Variants in ZMAT5 observed in about 807,000 individuals in gnomAD.
The protein encoded by ZMAT5 is zinc finger matrin-type 5.
In ZMAT5, 23 loss-of-function variants were observed where a neutral mutation model predicts 28.0. The ratio of observed to expected loss-of-function variants is 0.82; its 90% CI spans 0.59 to 1.16. The LOEUF (loss-of-function observed/expected upper bound fraction) is 1.16, where lower values mean the gene tolerates loss of function less well. Among genes scored for constraint, ZMAT5 ranks in the 50% most tolerant of loss-of-function variants. The probability of loss-of-function intolerance (pLI) is 0.00; values close to 1 mark genes in which losing one functional copy is unlikely to be tolerated. For missense variants in ZMAT5, 173 were observed against 212.7 expected (o/e 0.81, Z 1.16); for synonymous variants, 76 against 84.1 (o/e 0.90, Z 0.52).
At chr22:29,755,360 AGG>A (rs1569340061) in intron 1 of ZMAT5, among the ~76,000 whole-genome samples, 14 of 27,466 alleles carry the variant, frequency 5.1e-4, no homozygotes, top group South Asian at 1.3e-3. Context: ...GGAGGGAGGG[AGG>A]GAGGGGGAGA....
At chr22:29,731,541 G>A (rs2147211417) in intron 5 of ZMAT5, 187 bp from the exon 6 acceptor site, 2 of 661,170 alleles carry the variant, frequency 3.0e-6, no homozygotes, top group East Asian at 7.0e-5. Flanking sequence ...TAGGAACTGA[G>A]CCCAAGGAAA....
At chr22:29,754,448 T>C (rs1203252912) in intron 1 of ZMAT5, among the ~76,000 whole-genome samples, 1 of 152,168 alleles carries the variant, frequency 6.6e-6, no homozygotes, top group Non-Finnish European at 1.5e-5. Flanking sequence ...ATGGGTCACA[T>C]CTGAATTCCA....
intron 1 of ZMAT5, among the ~76,000 whole-genome samples, chr22:29,756,038 G>C (rs1298683064): frequency 6.6e-6 from 1 of 152,272 alleles, no homozygotes; most frequent in African/African-American, 2.4e-5. Flanking sequence ...TACAGAAAGA[G>C]CTGGCTTTGG....
At chr22:29,740,471 T>C (rs1459167281) in intron 4 of ZMAT5, among the ~76,000 whole-genome samples, 179 bp downstream of exon 4, 1 of 152,132 alleles carries the variant, frequency 6.6e-6, no homozygotes, top group African/African-American at 2.4e-5. Flanking sequence ...TCTCCACTCA[T>C]GCTGAAGCTG....
intron 2 of ZMAT5, chr22:29,748,068 C>A: frequency 2.8e-6 from 1 of 361,714 alleles, no homozygotes; most frequent in Non-Finnish European, 5.4e-6. Context: ...CCAGCCACAC[C>A]CTCTCCCTCC....
intron 2 of ZMAT5, chr22:29,746,414 T>G (rs59923178): frequency 0.1 from 15,571 of 152,178 alleles, 978 homozygotes; most frequent in African/African-American, 0.16. Context: ...CCTCCCAAAG[T>G]GCTGGGATTA....
chr22:29,740,755 C>T lies in ZMAT5; in HGVS notation c.191-25G>A, dbSNP rs776447433. ...CCTGCAGCAGGAAGACAGAGTTACT[C>T]GCTGCTCGGGAGGGGCTCCCCACAG... On this transcript the variant is annotated intron_variant, in intron 3 of 5. Coordinates refer to ENST00000344318, the MANE Select transcript of ZMAT5 (RefSeq NM_001003692.2). 19 of 1,572,416 alleles carry T rather than the reference C, an allele frequency of 1.2e-5. No homozygotes were observed. In the Admixed American group the frequency reaches 1.7e-4, roughly 14 times the overall value.
intron 1 of ZMAT5, among the ~76,000 whole-genome samples, chr22:29,749,855 CT>C (rs1171723605): frequency 6.6e-6 from 1 of 152,098 alleles, no homozygotes; most frequent in African/African-American, 2.4e-5. Flanking sequence ...CTCCTGCTGC[CT>C]TGTGAAGAAG....
intron 5 of ZMAT5, among the ~76,000 whole-genome samples, chr22:29,733,787 C>T (rs898501183): frequency 6.6e-6 from 1 of 152,216 alleles, no homozygotes. Context: ...CCTGGGACCT[C>T]CTGGGTCCAA....
chr22:29,754,632 A>G (rs989332895), intron 1 of ZMAT5, among the ~76,000 whole-genome samples: 20 of 152,338 alleles, frequency 1.3e-4, no homozygotes, highest in Middle Eastern at 3.4e-3. Flanking sequence ...ACATGTTGGG[A>G]GGCCGAGGTG....
intron 2 of ZMAT5, 181 bp downstream of exon 2, chr22:29,748,237 G>T: frequency 1.2e-6 from 1 of 803,810 alleles, no homozygotes; most frequent in Non-Finnish European, 2.0e-6. Context: ...AGTCAGCGTT[G>T]TTGGGGAAAG....
At chr22:29,752,377 C>G (rs1188565977) in intron 1 of ZMAT5, among the ~76,000 whole-genome samples, 1 of 152,168 alleles carries the variant, frequency 6.6e-6, no homozygotes, top group Non-Finnish European at 1.5e-5. Context: ...TCTCTCTCAC[C>G]CCCTCCACTC....
chr22:29,748,308 T>A (rs781608421), intron 2 of ZMAT5, 110 bp downstream of exon 2: 9 of 1,533,022 alleles, frequency 5.9e-6, no homozygotes, highest in African/African-American at 1.4e-5. Context: ...TCTCTTTTGA[T>A]CCTCAAAGAG....
At chr22:29,750,806 G>A (rs1335291078) in intron 1 of ZMAT5, among the ~76,000 whole-genome samples, 5 of 152,178 alleles carry the variant, frequency 3.3e-5, no homozygotes, top group African/African-American at 4.8e-5. Flanking sequence ...AGCTCAGGAG[G>A]AGGAGACTGG....
chr22:29,762,325 G>T (rs2068164799), intron 1 of ZMAT5, among the ~76,000 whole-genome samples: 1 of 152,180 alleles, frequency 6.6e-6, no homozygotes, highest in African/African-American at 2.4e-5. Flanking sequence ...GAAATACATG[G>T]CTTAAAGCAG....
At chr22:29,743,959 C>A (rs1398662892) in intron 2 of ZMAT5, among the ~76,000 whole-genome samples, 2 of 152,156 alleles carry the variant, frequency 1.3e-5, no homozygotes, top group Non-Finnish European at 2.9e-5. Context: ...TCCAAGAAAC[C>A]TGAGCTCAAA....
chr22:29,747,097 C>G (rs9608809), intron 2 of ZMAT5: 1 of 152,108 alleles, frequency 6.6e-6, no homozygotes, highest in Non-Finnish European at 1.5e-5. Context: ...AAACCTGCCT[C>G]TGGGGAGGGG....
intron 1 of ZMAT5, among the ~76,000 whole-genome samples, chr22:29,762,191 G>A (rs1240672631): frequency 1.3e-5 from 2 of 152,308 alleles, no homozygotes; most frequent in East Asian, 1.9e-4. Flanking sequence ...AAATTAAGCT[G>A]TAAATAGGGA....
At chr22:29,737,140 G>T (rs1467226090) in intron 5 of ZMAT5, among the ~76,000 whole-genome samples, 4 of 151,880 alleles carry the variant, frequency 2.6e-5, no homozygotes, top group Non-Finnish European at 5.9e-5. Flanking sequence ...GACCAGGCTG[G>T]CCAACATGGT....
Sources: gnomAD v4.1 joint callset for allele counts (sites outside exome capture counted in the v4.1 genomes callset) on GRCh38, gnomAD v4.1.1 for gene constraint, MANE v1.5 for transcripts, NCBI Gene and HGNC (gene_info 2026-07-23, HGNC 2026-07-21) for gene names.